Variants in BLTP1 observed in about 807,000 individuals in gnomAD.
BLTP1 encodes the protein fragile site-associated protein.
the BLTP1 span, chr4:122,356,514 T>C: frequency 8.6e-7 from 1 of 1,165,520 alleles, no homozygotes; most frequent in Non-Finnish European, 1.2e-6. Flanking sequence ...ATATTACTCA[T>C]TTCTTTACAG....
At chr4:122,277,918 G>A in the BLTP1 span, among the ~76,000 whole-genome samples, 2 of 152,098 alleles carry the variant, frequency 1.3e-5, no homozygotes, top group Non-Finnish European at 2.9e-5. Context: ...GTGGAATGTT[G>A]TGTGTCTGTG....
the BLTP1 span, among the ~76,000 whole-genome samples, chr4:122,182,192 C>A: frequency 6.6e-6 from 1 of 151,998 alleles, no homozygotes; most frequent in African/African-American, 2.4e-5. Flanking sequence ...AAAAGAGTGA[C>A]AAAAAGAATT....
At chr4:122,209,779 G>A in the BLTP1 span, 1 of 1,601,370 alleles carries the variant, frequency 6.2e-7, no homozygotes. Context: ...TTAAAGGAAT[G>A]AGTATCTGAC....
At chr4:122,193,479 G>T in the BLTP1 span, 1 of 202,890 alleles carries the variant, frequency 4.9e-6, no homozygotes, top group Non-Finnish European at 8.7e-6. Context: ...AGTCTATAGT[G>T]GTTAAGAGGT....
chr4:122,247,844 A>T, the BLTP1 span: 1 of 981,844 alleles, frequency 1.0e-6, no homozygotes, highest in East Asian at 1.1e-4. Flanking sequence ...TAGAGCTGTT[A>T]TACATCATTT....
chr4:122,200,261 T>C, the BLTP1 span: 2 of 985,288 alleles, frequency 2.0e-6, no homozygotes, highest in Non-Finnish European at 2.4e-6. Flanking sequence ...TCTTCCTAGG[T>C]AGGCAGCTTT....
At chr4:122,221,354 A>G in the BLTP1 span, among the ~76,000 whole-genome samples, 2 of 152,284 alleles carry the variant, frequency 1.3e-5, no homozygotes, top group East Asian at 3.9e-4. Context: ...AATATGTGCT[A>G]GGCATTGTTT....
At chr4:122,180,082 T>C in the BLTP1 span, 3 of 983,628 alleles carry the variant, frequency 3.0e-6, no homozygotes, top group Non-Finnish European at 3.6e-6. Context: ...ACGGCTTCTT[T>C]AAAAAAACCT....
At chr4:122,296,677 C>G in the BLTP1 span, among the ~76,000 whole-genome samples, 1 of 152,154 alleles carries the variant, frequency 6.6e-6, no homozygotes, top group Non-Finnish European at 1.5e-5. Context: ...TACTACAAGG[C>G]TACAGTAACT....
At chr4:122,320,357 C>T in the BLTP1 span, among the ~76,000 whole-genome samples, 1 of 151,944 alleles carries the variant, frequency 6.6e-6, no homozygotes, top group Non-Finnish European at 1.5e-5. Flanking sequence ...TGCTATGTTG[C>T]CCAGGCTGGT....
chr4:122,281,663 A>C, the BLTP1 span: 1 of 1,613,474 alleles, frequency 6.2e-7, no homozygotes, highest in South Asian at 1.1e-5. Flanking sequence ...AAAGAAGCCT[A>C]TTGTTCTTAA....
the BLTP1 span, chr4:122,282,189 T>A: frequency 2.0e-6 from 1 of 497,120 alleles, no homozygotes; most frequent in Non-Finnish European, 2.6e-6. Flanking sequence ...CTTATATTAA[T>A]ATATCCTATC....
the BLTP1 span, among the ~76,000 whole-genome samples, chr4:122,309,637 A>AGT: frequency 2.6e-5 from 4 of 152,268 alleles, no homozygotes; most frequent in Non-Finnish European, 5.9e-5. Flanking sequence ...TACAGCATTG[A>AGT]GTAGTTTTGG....
At chr4:122,219,420 A>T in the BLTP1 span, 2 of 1,614,178 alleles carry the variant, frequency 1.2e-6, no homozygotes, top group Non-Finnish European at 1.7e-6. Context: ...TGTCAACATC[A>T]TCCAGCTCTG....
chr4:122,286,331 A>G, the BLTP1 span: 1 of 554,414 alleles, frequency 1.8e-6, no homozygotes, highest in Non-Finnish European at 2.3e-6. Context: ...TACTTGCTTA[A>G]TAATACTGGC....
At chr4:122,157,177 G>T in the BLTP1 span, among the ~76,000 whole-genome samples, 2 of 152,108 alleles carry the variant, frequency 1.3e-5, no homozygotes, top group Non-Finnish European at 2.9e-5. Flanking sequence ...AGTATCTATG[G>T]CTAAATAACA....
the BLTP1 span, chr4:122,171,638 CA>C: frequency 7.5e-5 from 9 of 120,296 alleles, no homozygotes; most frequent in African/African-American, 3.4e-4. Flanking sequence ...ATGGGTTACA[CA>C]GGTTTTTTTT....
chr4:122,237,138 C>A, the BLTP1 span: 1 of 984,744 alleles, frequency 1.0e-6, no homozygotes, highest in Non-Finnish European at 1.2e-6. Flanking sequence ...CCCTTGAATG[C>A]CACTAGAACT....
the BLTP1 span, chr4:122,286,326 G>A: frequency 1.5e-4 from 76 of 501,738 alleles, 1 homozygote; most frequent in South Asian, 5.8e-3. Context: ...AATAATACTT[G>A]CTTAATAATA....
Sources: gnomAD v4.1 joint callset for allele counts (sites outside exome capture counted in the v4.1 genomes callset) on GRCh38, gnomAD v4.1.1 for gene constraint, MANE v1.5 for transcripts, NCBI Gene and HGNC (gene_info 2026-07-23, HGNC 2026-07-21) for gene names.